ZNF106: variants seen among roughly 807,000 people sequenced by gnomAD.
ZNF106 encodes the protein SH3-domain binding protein 3.
ZNF106 carries 67 observed loss-of-function variants against 195.1 expected under a neutral mutation model. The observed-to-expected ratio is 0.34, with a 90% CI of 0.28 to 0.42. ZNF106 has a LOEUF of 0.42. ZNF106 is among the 10% of genes least tolerant of loss of function. ZNF106 has a pLI of 1.00. For missense variants in ZNF106, 2,118 were observed against 2,304.5 expected, an observed-to-expected ratio of 0.92 and a Z score of 1.66; for synonymous variants, 784 against 818.6, an observed-to-expected ratio of 0.96 and a Z score of 0.72.
In ZNF106 at chr15:42,449,809, T is replaced by G. The variant is rs2055918789; in HGVS notation, c.2463A>C (p.Val821=). 6.2e-7 allele frequency: 1 copy of G among 1,614,060 alleles called. No homozygotes were observed. The highest frequency in any genetic ancestry group is 8.5e-7 in the Non-Finnish European group (1 of 1,180,004). ...TGCCCAGCTCTTGCTTTTTCTTGGT[T>G]ACTTGCTGAATGACCTGTTCCCAGT... is the stretch of plus-strand genomic sequence containing the variant. ...NVNWEQVIQQ[V]TKKKQELGKG... The change falls in exon 5 of 22, where the codon GTA becomes GTC. Residue 821 remains valine, a synonymous_variant. Coordinates refer to ENST00000564754, the MANE Select transcript of ZNF106 (RefSeq NM_001366845.3).
chr15:42,450,146 T>A lies in ZNF106; in HGVS notation c.2126A>T (p.His709Leu), dbSNP rs150588296. 6.2e-7 allele frequency: 1 copy of A among 1,611,106 alleles called. No homozygotes were observed. Among genetic ancestry groups the A allele is most frequent in the Admixed American group, 1.7e-5 (1 of 60,018 alleles). ...AAAGCCTTCTGTTTCATAAGATACA[T>A]GAGATTTAATAGAGTCATCAACCTG... ...DAQVDDSIKS[H>L]VSYETEGFES... The change falls in exon 5 of 22, where the codon CAT becomes CTT. Residue 709 changes from histidine to leucine, a missense_variant. Physicochemically the swap from His to Leu is moderately conservative, Grantham distance 99. Coordinates refer to ENST00000564754, the MANE Select transcript of ZNF106 (RefSeq NM_001366845.3).
intron 2 of ZNF106, among the ~76,000 whole-genome samples, chr15:42,470,338 A>AATG (rs1395003113): frequency 1.3e-5 from 2 of 152,184 alleles, no homozygotes; most frequent in African/African-American, 4.8e-5. Context: ...GCATGGCTTC[A>AATG]ACACCAATTG....
chr15:42,443,790 A>G lies in ZNF106; in HGVS notation c.3421+412T>C, dbSNP rs530382949. Reference sequence around the variant, plus strand: ...AGGAGAGAAATAACATGACCTTTTCATGACTACTTTTCATCCCCTCAAAGA... The same window carrying G: ...AGGAGAGAAATAACATGACCTTTTCGTGACTACTTTTCATCCCCTCAAAGA... On this transcript the variant is annotated intron_variant, in intron 9 of 21. Coordinates refer to ENST00000564754, the MANE Select transcript of ZNF106 (RefSeq NM_001366845.3). 6.6e-5 allele frequency among the ~76,000 whole-genome samples: 10 copies of G among 152,134 alleles called. No individual in the cohort carries two copies. The South Asian group carries it at 1.9e-3, about 28-fold the overall frequency.
At position 42,424,986 on chromosome 15, in the gene ZNF106, G is replaced by T; in HGVS notation, c.5038C>A (p.Arg1680=). Residue 1680 remains arginine (R), a synonymous_variant, in exon 16 of 22, where the codon CGG becomes AGG. Coordinates refer to ENST00000564754, the MANE Select transcript of ZNF106 (RefSeq NM_001366845.3). Reference sequence around the variant, plus strand: ...GCTGTAGCAAGACAGCTGACTGCCCGAGGGCCATGGCATTCAAAGATCTCA... The same window carrying T: ...GCTGTAGCAAGACAGCTGACTGCCCTAGGGCCATGGCATTCAAAGATCTCA... ...RLEIFECHGP[R]AVSCLATAQE... 2 of 1,614,188 alleles carry T rather than the reference G, an allele frequency of 1.2e-6. No homozygotes were observed. Among genetic ancestry groups the T allele is most frequent in the Non-Finnish European group, 1.7e-6 (2 of 1,180,042 alleles).
intron 17 of ZNF106, among the ~76,000 whole-genome samples, 191 bp downstream of exon 17, chr15:42,423,807 C>T (rs973280187): frequency 5.9e-5 from 9 of 152,200 alleles, no homozygotes; most frequent in African/African-American, 2.2e-4. Flanking sequence ...TGTCTGTCCA[C>T]CATTAAAAAC....
At chr15:42,445,123 T>A in intron 7 of ZNF106, 142 bp from the exon 8 acceptor site, 1 of 1,018,400 alleles carries the variant, frequency 9.8e-7, no homozygotes, top group Non-Finnish European at 1.4e-6. Context: ...ATAAAACATT[T>A]AGTCAAGCAC....
intron 1 of ZNF106, among the ~76,000 whole-genome samples, chr15:42,473,710 T>C (rs981755607): frequency 1.3e-5 from 2 of 152,150 alleles, no homozygotes; most frequent in Non-Finnish European, 2.9e-5. Context: ...AGCACTGTGG[T>C]AGATCATGTT....
intron 3 of ZNF106, among the ~76,000 whole-genome samples, chr15:42,463,614 C>A (rs963369621): frequency 2.6e-5 from 4 of 152,024 alleles, no homozygotes; most frequent in Non-Finnish European, 5.9e-5. Context: ...CAGAGAGGAA[C>A]CCTGTCTTTA....
chr15:42,423,144 G>A (rs1049795735), intron 17 of ZNF106, among the ~76,000 whole-genome samples: 1 of 151,990 alleles, frequency 6.6e-6, no homozygotes. Context: ...GAGCTGGGCA[G>A]ATTACTTGAG....
chr15:42,422,355 G>A (rs986184661), intron 18 of ZNF106, 146 bp downstream of exon 18: 1 of 1,107,528 alleles, frequency 9.0e-7, no homozygotes, highest in Non-Finnish European at 1.3e-6. Flanking sequence ...CAGTCCACAG[G>A]CCAGCTGTTT....
chr15:42,420,808 G>A (rs2054626888), intron 20 of ZNF106, among the ~76,000 whole-genome samples: 1 of 152,148 alleles, frequency 6.6e-6, no homozygotes, highest in Non-Finnish European at 1.5e-5. Flanking sequence ...AGTAGAGGGG[G>A]CAGTGCCATT....
In ZNF106 at chr15:42,449,850, A is replaced by C. The variant is rs778236408; in HGVS notation, c.2422T>G (p.Ser808Ala). 12 of 1,613,950 alleles carry C rather than the reference A, an allele frequency of 7.4e-6. No individual in the cohort carries two copies. The highest frequency in any genetic ancestry group is 1.7e-6 in the Non-Finnish European group (2 of 1,180,028). Reference protein sequence around the residue: ...KPTLRQILNASRRNVNWEQVI... With the variant: ...KPTLRQILNAARRNVNWEQVI... ...TGTTCCCAGTTGACATTTCTCCGAG[A>C]TGCATTTAGAATCTGCCGTAGGGTT... The change falls in exon 5 of 22, where the codon TCT becomes GCT. Residue 808 changes from serine (S) to alanine (A), a missense_variant. Physicochemically the swap from Ser to Ala is moderately conservative, Grantham distance 99. Coordinates refer to ENST00000564754, the MANE Select transcript of ZNF106 (RefSeq NM_001366845.3).
intron 1 of ZNF106, among the ~76,000 whole-genome samples, chr15:42,488,690 T>C (rs892126044): frequency 6.6e-6 from 1 of 152,176 alleles, no homozygotes; most frequent in Non-Finnish European, 1.5e-5. Context: ...CTCTCAACTC[T>C]TGTAGAGCAG....
intron 14 of ZNF106, among the ~76,000 whole-genome samples, chr15:42,432,183 G>A (rs1441419068): frequency 6.6e-6 from 1 of 152,066 alleles, no homozygotes; most frequent in East Asian, 1.9e-4. Flanking sequence ...TAAAGGGACA[G>A]CGTCTCACTC....
chr15:42,453,431 A>C (rs1256213160), intron 4 of ZNF106, among the ~76,000 whole-genome samples: 1 of 152,188 alleles, frequency 6.6e-6, no homozygotes. Context: ...ATTTTCTTCT[A>C]CAAACTGCCT....
intron 3 of ZNF106, among the ~76,000 whole-genome samples, chr15:42,465,044 T>C (rs1250210895): frequency 1.3e-5 from 2 of 152,126 alleles, no homozygotes. Context: ...AATTACCCAG[T>C]CTTGGGTATG....
intron 1 of ZNF106, among the ~76,000 whole-genome samples, chr15:42,481,321 T>A (rs2056893199): frequency 6.6e-6 from 1 of 151,568 alleles, no homozygotes; most frequent in Admixed American, 6.6e-5. Context: ...TCTGACAATG[T>A]CTTTATTTCA....
chr15:42,435,719 G>C (rs3742998), intron 13 of ZNF106, among the ~76,000 whole-genome samples: 1 of 152,180 alleles, frequency 6.6e-6, no homozygotes, highest in Non-Finnish European at 1.5e-5. Context: ...TGAGGTATCT[G>C]AAAGTATATG....
intron 14 of ZNF106, among the ~76,000 whole-genome samples, chr15:42,434,594 GAT>G (rs1204105963): frequency 6.6e-6 from 1 of 151,968 alleles, no homozygotes; most frequent in African/African-American, 2.4e-5. Flanking sequence ...TAAACTTAAT[GAT>G]AGTCATAAAT....
Sources: gnomAD v4.1 joint callset for allele counts (sites outside exome capture counted in the v4.1 genomes callset) on GRCh38, gnomAD v4.1.1 for gene constraint, MANE v1.5 for transcripts, NCBI Gene and HGNC (gene_info 2026-07-23, HGNC 2026-07-21) for gene names.